Variants in ATP8A2 observed in about 807,000 individuals in gnomAD.
The protein encoded by ATP8A2 is ATPase phospholipid transporting 8A2, also known as phospholipid-transporting ATPase IB.
Under a neutral mutation model 165.6 loss-of-function variants are expected in ATP8A2, and 100 were observed. The ratio of observed to expected loss-of-function variants is 0.60; its 90% CI spans 0.51 to 0.71. The LOEUF is 0.71. Ranked by LOEUF, ATP8A2 falls within the 30% of genes least tolerant of loss-of-function variation. ATP8A2 has a pLI of 0.00. For synonymous variants in ATP8A2, 543 were observed against 548.8 expected (o/e 0.99, Z 0.15); for missense variants, 1,227 against 1,479.5 (o/e 0.83, Z 2.80).
chr13:25,685,187 A>T (rs1030227159), intron 24 of ATP8A2, among the ~76,000 whole-genome samples: 4 of 151,890 alleles, frequency 2.6e-5, no homozygotes, highest in African/African-American at 9.7e-5. Flanking sequence ...CAGGCCTCAC[A>T]CTCAGTTACT....
chr13:25,839,740 TA>T lies in ATP8A2; in HGVS notation c.2956+117del, dbSNP rs2138660689. On this transcript the variant is annotated intron_variant, in intron 30 of 36. Coordinates refer to ENST00000381655, the MANE Select transcript of ATP8A2 (RefSeq NM_016529.6). ...AACAAGAGATCACAGGAACACATTT[TA>T]GAGGAAAAACATACCTAAAGCATAA... 6.0e-6 allele frequency: 5 copies of T among 827,998 alleles called. No homozygotes were observed. The South Asian group carries it at 7.4e-5, about 12-fold the overall frequency. 51.3% of individuals were successfully genotyped at this position (827,998 alleles called of 1,614,324 possible). A position where few individuals can be genotyped will look rare whatever the true frequency, so the allele number is the denominator to read the frequency against.
intron 28 of ATP8A2, among the ~76,000 whole-genome samples, chr13:25,835,343 C>T (rs9581454): frequency 0.012 from 1,811 of 152,120 alleles, 41 homozygotes; most frequent in African/African-American, 0.039. Flanking sequence ...CATTGAAATC[C>T]CAGGGCTGCT....
intron 25 of ATP8A2, among the ~76,000 whole-genome samples, chr13:25,724,065 A>T (rs1469670152): frequency 2.0e-5 from 3 of 152,184 alleles, no homozygotes; most frequent in Non-Finnish European, 4.4e-5. Flanking sequence ...GCTCTAAGGA[A>T]CTGAATTCTG....
At chr13:25,500,048 G>T (rs535826391) in intron 2 of ATP8A2, among the ~76,000 whole-genome samples, 1 of 152,184 alleles carries the variant, frequency 6.6e-6, no homozygotes, top group Non-Finnish European at 1.5e-5. Flanking sequence ...TCAGCAAGGC[G>T]TGTGTGTCAT....
At chr13:25,838,819 C>T (rs1385529325) in intron 29 of ATP8A2, among the ~76,000 whole-genome samples, 1 of 151,942 alleles carries the variant, frequency 6.6e-6, no homozygotes, top group Non-Finnish European at 1.5e-5. Context: ...CAGCTCCCAG[C>T]GTGAGCAACG....
intron 33 of ATP8A2, among the ~76,000 whole-genome samples, chr13:25,911,636 G>A (rs1490102135): frequency 1.3e-5 from 2 of 152,102 alleles, no homozygotes; most frequent in Non-Finnish European, 2.9e-5. Context: ...ATAGGACCTG[G>A]GCCCAACAAC....
At chr13:25,581,242 C>T (rs919421510) in intron 22 of ATP8A2, among the ~76,000 whole-genome samples, 13 of 152,112 alleles carry the variant, frequency 8.5e-5, no homozygotes, top group Non-Finnish European at 1.6e-4. Context: ...AGGCACAGTG[C>T]GGGCAGCTGG....
At position 25,932,689 on chromosome 13, in the gene ATP8A2, G is replaced by A. The variant is rs543760927; in HGVS notation, c.3184-28886G>A. ...GGATTATTCAATTAGGTATGCTTAT[G>A]GGATTTGTCCTGGGTGTTTTGATTG... is the stretch of plus-strand genomic sequence containing the variant. On this transcript the variant is annotated intron_variant, in intron 33 of 36. Transcript: ENST00000381655. Among the ~76,000 whole-genome samples, 3 of 152,298 alleles carry A rather than the reference G, an allele frequency of 2.0e-5. No individual in the cohort carries two copies. The East Asian group carries it at 5.8e-4, about 29-fold the overall frequency.
At chr13:26,010,748 A>G (rs1321308184) in intron 35 of ATP8A2, among the ~76,000 whole-genome samples, 7 of 152,238 alleles carry the variant, frequency 4.6e-5, no homozygotes, top group African/African-American at 1.4e-4. Context: ...AATTTGGCCC[A>G]TGGAAGAAAG....
At chr13:25,693,649 G>C (rs1296474104) in intron 24 of ATP8A2, among the ~76,000 whole-genome samples, 1 of 150,360 alleles carries the variant, frequency 6.7e-6, no homozygotes, top group East Asian at 2.0e-4. Context: ...AGGTCAGAGA[G>C]AGACATCCCT....
chr13:25,520,908 C>A (rs562944090), intron 2 of ATP8A2, among the ~76,000 whole-genome samples: 1 of 152,070 alleles, frequency 6.6e-6, no homozygotes, highest in African/African-American at 2.4e-5. Flanking sequence ...GCCACCGTGC[C>A]GGCCCTATTT....
In ATP8A2 at chr13:25,512,888, G is replaced by A. The variant is rs564989703; in HGVS notation, c.222-17111G>A. On this transcript the variant is annotated intron_variant, in intron 2 of 36. Coordinates refer to ENST00000381655, the MANE Select transcript of ATP8A2 (RefSeq NM_016529.6). ...CAGAGGCGCCCCTCACCTCCCGGAC[G>A]GGGTGGCTGGCCAGGCGGGGGGCTG... 5.7e-3 allele frequency among the ~76,000 whole-genome samples: 822 copies of A among 144,492 alleles called. 10 individuals carry two copies. The highest frequency in any genetic ancestry group is 0.02 in the African/African-American group (779 of 38,524). The allele number at this position is 144,492 out of a possible 152,430, so 94.8% of individuals were successfully genotyped here.
At chr13:25,731,147 A>AAAAGAAAG (rs10676922) in intron 25 of ATP8A2, among the ~76,000 whole-genome samples, 2 of 123,316 alleles carry the variant, frequency 1.6e-5, no homozygotes, top group Non-Finnish European at 3.4e-5. Context: ...AGAGAGAAAT[A>AAAAGAAAG]AAAGAAAGAA....
chr13:25,762,268 C>CAAAAAAAAAAAAAA lies in ATP8A2; in HGVS notation c.2385-6763_2385-6750dup. On this transcript the variant is annotated intron_variant, in intron 25 of 36. Transcript: ENST00000381655. The stretch of plus-strand genomic sequence containing the variant: ...TGGGTGATGGAGTGAGACTCTGTCT[C>CAAAAAAAAAAAAAA]AAAAAAAAAAAAAAAAAAAAAAAAA... Among the ~76,000 whole-genome samples the CAAAAAAAAAAAAAA allele has an allele frequency of 1.9e-4, 8 of 41,310 alleles. 3 individuals are homozygous for CAAAAAAAAAAAAAA. The highest frequency in any genetic ancestry group is 2.7e-4 in the Non-Finnish European group (7 of 26,240). 27.1% of individuals were successfully genotyped at this position (41,310 alleles called of 152,430 possible). A position where few individuals can be genotyped will look rare whatever the true frequency, so the allele number is the denominator to read the frequency against.
At chr13:25,385,981 T>C (rs2033028852) in intron 1 of ATP8A2, among the ~76,000 whole-genome samples, 1 of 151,952 alleles carries the variant, frequency 6.6e-6, no homozygotes, top group Admixed American at 6.6e-5. Flanking sequence ...GGTTCGACCT[T>C]AGCGGTACAC....
Position 25,730,122 on chromosome 13 carries a change from T to A in ATP8A2, c.2384+30777T>A, listed in dbSNP as rs150997255. ...GTGAACAATATGGTGTAACCCCATC[T>A]CTACAAAAAATACAAAAAATTAACC... On this transcript the variant is annotated intron_variant, in intron 25 of 36. Coordinates refer to ENST00000381655, the MANE Select transcript of ATP8A2 (RefSeq NM_016529.6). Among the ~76,000 whole-genome samples the A allele has an allele frequency of 5.0e-3, 768 of 152,138 alleles. 7 individuals carry two copies. The highest frequency in any genetic ancestry group is 0.018 in the African/African-American group (740 of 41,480).
At chr13:25,419,753 A>T (rs1481216738) in intron 1 of ATP8A2, among the ~76,000 whole-genome samples, 3 of 152,220 alleles carry the variant, frequency 2.0e-5, no homozygotes, top group Non-Finnish European at 4.4e-5. Flanking sequence ...GAAATATAAG[A>T]TTAACGATTA....
chr13:25,616,077 C>T (rs2040815542), intron 24 of ATP8A2, among the ~76,000 whole-genome samples: 1 of 152,082 alleles, frequency 6.6e-6, no homozygotes, highest in Non-Finnish European at 1.5e-5. Flanking sequence ...TGATTTTCTC[C>T]TATACCCCAG....
chr13:25,947,996 T>A (rs1955257401), intron 33 of ATP8A2, among the ~76,000 whole-genome samples: 1 of 152,104 alleles, frequency 6.6e-6, no homozygotes, highest in African/African-American at 2.4e-5. Flanking sequence ...AGACACCCAA[T>A]GGGCATTGGG....
Sources: allele counts gnomAD v4.1 joint callset (sites outside exome capture counted in the v4.1 genomes callset), GRCh38; gene constraint gnomAD v4.1.1; transcripts MANE v1.5; gene names NCBI Gene and HGNC (gene_info 2026-07-23, HGNC 2026-07-21).